GPC6: variants seen among roughly 807,000 people sequenced by gnomAD.
GPC6 encodes the protein glypican 6.
GPC6 carries 14 observed loss-of-function variants against 55.2 expected under a neutral mutation model. The observed-to-expected ratio is 0.25, with a 90% CI of 0.17 to 0.40. The LOEUF (loss-of-function observed/expected upper bound fraction) is 0.40. GPC6 is among the 10% of genes least tolerant of loss of function. The pLI is 1.00. For synonymous variants in GPC6, 278 were observed against 259.6 expected (o/e 1.07, Z -0.68); for missense variants, 641 against 708.5 (o/e 0.90, Z 1.08).
intron 2 of GPC6, among the ~76,000 whole-genome samples, chr13:93,757,536 T>A (rs772243877): frequency 1.5e-4 from 23 of 152,326 alleles, no homozygotes; most frequent in Non-Finnish European, 3.1e-4. Flanking sequence ...CCACAGAGGA[T>A]TAGAGCAAAA....
At chr13:94,128,368 G>A (rs572874366) in intron 4 of GPC6, among the ~76,000 whole-genome samples, 3 of 152,262 alleles carry the variant, frequency 2.0e-5, no homozygotes, top group African/African-American at 7.2e-5. Flanking sequence ...ATAGATCACT[G>A]TATCTGTCAG....
intron 3 of GPC6, among the ~76,000 whole-genome samples, chr13:93,920,774 A>T (rs1307989354): frequency 6.6e-6 from 1 of 152,106 alleles, no homozygotes; most frequent in Non-Finnish European, 1.5e-5. Flanking sequence ...TTTCCACTGC[A>T]TTCTGTCCAG....
chr13:93,292,389 T>C (rs1177530292), intron 1 of GPC6, among the ~76,000 whole-genome samples: 1 of 152,152 alleles, frequency 6.6e-6, no homozygotes, highest in African/African-American at 2.4e-5. Flanking sequence ...CTTTTGAGAA[T>C]TGAGAGGAAT....
intron 2 of GPC6, among the ~76,000 whole-genome samples, chr13:93,787,875 C>G (rs1231107416): frequency 1.3e-5 from 2 of 152,090 alleles, no homozygotes; most frequent in Non-Finnish European, 2.9e-5. Context: ...ATTTTGAAAC[C>G]AGGACAGTCA....
intron 3 of GPC6, among the ~76,000 whole-genome samples, chr13:93,996,205 A>G (rs187085142): frequency 6.6e-6 from 1 of 152,330 alleles, no homozygotes; most frequent in East Asian, 1.9e-4. Flanking sequence ...AATTTTTGGA[A>G]TAGTATAATG....
At chr13:93,684,906 A>T (rs766401037) in intron 2 of GPC6, among the ~76,000 whole-genome samples, 1 of 152,170 alleles carries the variant, frequency 6.6e-6, no homozygotes, top group Non-Finnish European at 1.5e-5. Context: ...GAAATAGTTT[A>T]TTATTTCTCC....
chr13:93,873,733 C>G (rs944402108), intron 3 of GPC6, among the ~76,000 whole-genome samples: 4 of 151,958 alleles, frequency 2.6e-5, no homozygotes, highest in Admixed American at 6.6e-5. Flanking sequence ...AAACCAGAGT[C>G]TATCTGAAGA....
At chr13:94,197,248 T>A (rs1889606799) in intron 4 of GPC6, among the ~76,000 whole-genome samples, 1 of 152,120 alleles carries the variant, frequency 6.6e-6, no homozygotes, top group African/African-American at 2.4e-5. Flanking sequence ...CTAGGGCTCC[T>A]CCACACACCC....
intron 4 of GPC6, among the ~76,000 whole-genome samples, chr13:94,141,975 G>A (rs1268101938): frequency 6.6e-6 from 1 of 152,028 alleles, no homozygotes; most frequent in Non-Finnish European, 1.5e-5. Context: ...CCACATGGAT[G>A]AAAACTGACC....
At chr13:94,041,992 T>A (rs1883553936) in intron 4 of GPC6, among the ~76,000 whole-genome samples, 2 of 151,878 alleles carry the variant, frequency 1.3e-5, no homozygotes, top group Admixed American at 6.6e-5. Flanking sequence ...TGTTCAATTA[T>A]AATCCCCAGT....
In GPC6 at chr13:93,863,813, A is replaced by G. The variant is rs149613763; in HGVS notation, c.711+33268A>G. On this transcript the variant is annotated intron_variant, in intron 3 of 8. Coordinates refer to ENST00000377047, the MANE Select transcript of GPC6 (RefSeq NM_005708.5). ...CATTCTTAGATTGACAAAGTCCTAT[A>G]TTAAATTGGGATCAACTATATATGA... 1.1e-3 allele frequency among the ~76,000 whole-genome samples: 160 copies of G among 151,832 alleles called. 1 individual carries two copies. Among genetic ancestry groups the G allele is most frequent in the Non-Finnish European group, 1.7e-3 (116 of 67,770 alleles).
chr13:93,977,835 A>G (rs1223864333), intron 3 of GPC6, among the ~76,000 whole-genome samples: 2 of 152,184 alleles, frequency 1.3e-5, no homozygotes, highest in African/African-American at 4.8e-5. Flanking sequence ...AAGAAAGTCC[A>G]TAGCTGTGAA....
intron 4 of GPC6, among the ~76,000 whole-genome samples, chr13:94,127,673 G>A (rs1380094456): frequency 6.6e-6 from 1 of 152,090 alleles, no homozygotes; most frequent in Non-Finnish European, 1.5e-5. Flanking sequence ...GTTACAAATG[G>A]GCAGATAATA....
chr13:93,456,296 C>A (rs906337917), intron 1 of GPC6, among the ~76,000 whole-genome samples: 2 of 151,900 alleles, frequency 1.3e-5, no homozygotes, highest in African/African-American at 4.8e-5. Context: ...TGAACTTTCT[C>A]GTTTTCTTTA....
At chr13:93,595,351 T>A (rs1166193648) in intron 2 of GPC6, among the ~76,000 whole-genome samples, 1 of 152,180 alleles carries the variant, frequency 6.6e-6, no homozygotes, top group Non-Finnish European at 1.5e-5. Context: ...TTAGAGATGG[T>A]TGATTAAGAT....
chr13:93,695,360 A>G (rs1443619536), intron 2 of GPC6, among the ~76,000 whole-genome samples: 1 of 152,022 alleles, frequency 6.6e-6, no homozygotes, highest in Non-Finnish European at 1.5e-5. Flanking sequence ...AACATTCAAT[A>G]AAAAGCACTT....
At chr13:93,972,292 G>C (rs1880318390) in intron 3 of GPC6, among the ~76,000 whole-genome samples, 1 of 152,164 alleles carries the variant, frequency 6.6e-6, no homozygotes, top group African/African-American at 2.4e-5. Flanking sequence ...AGTCTTCAGT[G>C]ACTGACATTG....
At chr13:93,229,289 A>G (rs986880156) in intron 1 of GPC6, among the ~76,000 whole-genome samples, 1 of 152,044 alleles carries the variant, frequency 6.6e-6, no homozygotes, top group African/African-American at 2.4e-5. Context: ...ACTTTTTAAA[A>G]GGTTTATAGT....
intron 2 of GPC6, among the ~76,000 whole-genome samples, chr13:93,743,377 A>C (rs187511226): frequency 8.6e-4 from 131 of 152,320 alleles, no homozygotes; most frequent in African/African-American, 3.1e-3. Context: ...AAACGATATA[A>C]TGTGGCCAAT....
Sources: gnomAD v4.1 joint callset for allele counts (sites outside exome capture counted in the v4.1 genomes callset) on GRCh38, gnomAD v4.1.1 for gene constraint, MANE v1.5 for transcripts, NCBI Gene and HGNC (gene_info 2026-07-23, HGNC 2026-07-21) for gene names.